Variants in SH3PXD2B observed in about 807,000 individuals in gnomAD.
SH3PXD2B encodes the protein SH3 and PX domains 2B, also known as SH3 and PX domain-containing protein 2B.
In SH3PXD2B, 37 loss-of-function variants were observed where a neutral mutation model predicts 73.1. That is an observed-to-expected ratio of 0.51 (90% CI 0.39 to 0.67). The LOEUF is 0.67. Among genes scored for constraint, SH3PXD2B ranks in the 30% least tolerant of loss-of-function variants. The pLI is 0.00. For missense variants in SH3PXD2B, 1,053 were observed against 1,197.8 expected, an observed-to-expected ratio of 0.88 and a Z score of 1.78; for synonymous variants, 457 against 480.5, an observed-to-expected ratio of 0.95 and a Z score of 0.64.
intron 1 of SH3PXD2B, among the ~76,000 whole-genome samples, chr5:172,436,517 G>A (rs1012064596): frequency 2.6e-5 from 4 of 152,212 alleles, no homozygotes; most frequent in Non-Finnish European, 5.9e-5. Context: ...TTAGGGACAT[G>A]AGGCCAGAGG....
chr5:172,447,010 G>C (rs1221680140), intron 1 of SH3PXD2B, among the ~76,000 whole-genome samples: 2 of 152,210 alleles, frequency 1.3e-5, no homozygotes, highest in African/African-American at 4.8e-5. Context: ...CCTGCCTCAG[G>C]AGGACAGGAG....
At chr5:172,343,799 C>T (rs911949183) in intron 12 of SH3PXD2B, among the ~76,000 whole-genome samples, 2 of 150,566 alleles carry the variant, frequency 1.3e-5, no homozygotes, top group African/African-American at 2.5e-5. Flanking sequence ...AGCAAGATTC[C>T]GTCTCAAAGA....
At chr5:172,413,970 C>T (rs1758759124) in intron 2 of SH3PXD2B, among the ~76,000 whole-genome samples, 1 of 152,214 alleles carries the variant, frequency 6.6e-6, no homozygotes, top group South Asian at 2.1e-4. Flanking sequence ...GGCTTCCCGG[C>T]CAGGCAATGC....
rs905365706 is a variant in SH3PXD2B, at chr5:172,337,035, C to T, written c.*1334G>A. 5.1e-6 allele frequency: 5 copies of T among 985,566 alleles called. No individual in the cohort carries two copies. The highest frequency in any genetic ancestry group is 3.6e-6 in the Non-Finnish European group (3 of 830,020). The allele number at this position is 985,566 out of a possible 1,614,324, so 61.1% of individuals were successfully genotyped here. A position where few individuals can be genotyped will look rare whatever the true frequency, so the allele number is the denominator to read the frequency against. On this transcript the variant is annotated 3_prime_UTR_variant, in exon 13 of 13. Coordinates refer to ENST00000311601, the MANE Select transcript of SH3PXD2B (RefSeq NM_001017995.3). ...GCTCAGAGCCCTCCAGGCTGGCCCTCGAGGCCACCTCAGCTCCCGTTGCTC... is the reference window on the plus strand; with the variant it reads ...GCTCAGAGCCCTCCAGGCTGGCCCTTGAGGCCACCTCAGCTCCCGTTGCTC...
In SH3PXD2B at chr5:172,336,400, G is replaced by A; in HGVS notation, c.*1969C>T. 1.0e-6 allele frequency: 1 copy of A among 985,938 alleles called. No homozygotes were observed. Among genetic ancestry groups the A allele is most frequent in the Non-Finnish European group, 1.2e-6 (1 of 830,018 alleles). The allele number at this position is 985,938 out of a possible 1,614,324, so 61.1% of individuals were successfully genotyped here. A position where few individuals can be genotyped will look rare whatever the true frequency, so the allele number is the denominator to read the frequency against. On this transcript the variant is annotated 3_prime_UTR_variant, in exon 13 of 13. Coordinates refer to ENST00000311601, the MANE Select transcript of SH3PXD2B (RefSeq NM_001017995.3). ...CTGCCCCCAACGCTCTGGGCACAGG[G>A]CCAAGTGGCAAGTGGGCCCTGCCCA...
intron 2 of SH3PXD2B, among the ~76,000 whole-genome samples, chr5:172,408,569 C>T (rs1758617937): frequency 9.7e-6 from 1 of 102,986 alleles, no homozygotes; most frequent in African/African-American, 4.3e-5. Flanking sequence ...ATGGAGTTTC[C>T]CTCTTGTTGC....
chr5:172,328,963 T>A (rs1234415613), downstream of SH3PXD2B, among the ~76,000 whole-genome samples: 1 of 151,506 alleles, frequency 6.6e-6, no homozygotes, highest in Non-Finnish European at 1.5e-5. Context: ...GACATTTATT[T>A]ATTAATCCAT....
chr5:172,346,375 A>C, intron 11 of SH3PXD2B, 114 bp from the exon 12 acceptor site: 11 of 1,522,070 alleles, frequency 7.2e-6, no homozygotes, highest in Non-Finnish European at 9.9e-6. Context: ...GGTGCTGGGG[A>C]CCTAGTTGGA....
chr5:172,325,389 A>C, intron 12 of SH3PXD2B: 1 of 1,522,762 alleles, frequency 6.6e-7, no homozygotes. Context: ...TCCTAGATGA[A>C]TGCAGGGAGA....
intron 1 of SH3PXD2B, among the ~76,000 whole-genome samples, chr5:172,450,974 T>A (rs1189162546): frequency 6.6e-6 from 1 of 152,214 alleles, no homozygotes; most frequent in East Asian, 1.9e-4. Context: ...TTCATTGTCA[T>A]CAGCCTCTCA....
chr5:172,327,437 C>T (rs578129752), intron 12 of SH3PXD2B, among the ~76,000 whole-genome samples: 4 of 152,094 alleles, frequency 2.6e-5, no homozygotes, highest in Admixed American at 1.3e-4. Context: ...TGAATCCCAG[C>T]GGGTATATAA....
In SH3PXD2B at chr5:172,339,943, T is replaced by G. The variant is rs1756815865; in HGVS notation, c.1189-27A>C. On this transcript the variant is annotated intron_variant, in intron 12 of 12. Transcript: ENST00000311601. The surrounding 1 kb of genome is among the most constrained non-coding windows in gnomAD (Gnocchi z 6.1). ...TGCAAGGGAGGATAGAGAAAGGCAC[T>G]TGGCTACGATGCCAGGGCCAGCAGA... The G allele has an allele frequency of 6.2e-7, 1 of 1,613,820 alleles. No individual in the cohort carries two copies. Among genetic ancestry groups the G allele is most frequent in the African/African-American group, 1.3e-5 (1 of 75,054 alleles).
chr5:172,361,945 G>A (rs533344098), intron 7 of SH3PXD2B, among the ~76,000 whole-genome samples: 43 of 152,176 alleles, frequency 2.8e-4, no homozygotes, highest in Non-Finnish European at 5.9e-4. Context: ...TCACATGTTA[G>A]CCACAACAAA....
chr5:172,380,940 T>C (rs566096496), intron 5 of SH3PXD2B, among the ~76,000 whole-genome samples: 1 of 152,352 alleles, frequency 6.6e-6, no homozygotes, highest in African/African-American at 2.4e-5. Flanking sequence ...TACTCGGAAG[T>C]CTGTGAACTC....
chr5:172,419,302 A>C (rs1195922355), intron 2 of SH3PXD2B, among the ~76,000 whole-genome samples: 4 of 151,714 alleles, frequency 2.6e-5, no homozygotes, highest in Non-Finnish European at 5.9e-5. Flanking sequence ...ACATTTGCAT[A>C]AGCACTTCCA....
At chr5:172,395,898 G>A (rs1379866887) in intron 3 of SH3PXD2B, among the ~76,000 whole-genome samples, 2 of 152,058 alleles carry the variant, frequency 1.3e-5, no homozygotes, top group Non-Finnish European at 2.9e-5. Context: ...CCTACTAAGA[G>A]CTCTCTCTAT....
At chr5:172,452,797 G>T (rs992603169) in intron 1 of SH3PXD2B, among the ~76,000 whole-genome samples, 25 of 152,058 alleles carry the variant, frequency 1.6e-4, no homozygotes, top group Non-Finnish European at 3.2e-4. Flanking sequence ...ACGCTAACAG[G>T]CTCAAACAAG....
At chr5:172,382,330 A>C (rs1757968682) in intron 4 of SH3PXD2B, among the ~76,000 whole-genome samples, 1 of 152,178 alleles carries the variant, frequency 6.6e-6, no homozygotes, top group African/African-American at 2.4e-5. Context: ...ACACACATAC[A>C]AACACAAAAG....
intron 1 of SH3PXD2B, among the ~76,000 whole-genome samples, chr5:172,439,682 GCA>G (rs879732011): frequency 0.22 from 24,161 of 107,848 alleles, 2,097 homozygotes; most frequent in Middle Eastern, 0.26. Flanking sequence ...GTGCGTGCGC[GCA>G]CGCGCGCGCA....
Sources: allele counts gnomAD v4.1 joint callset (sites outside exome capture counted in the v4.1 genomes callset), GRCh38; gene constraint gnomAD v4.1.1; non-coding constraint Gnocchi (gnomAD v3.1); transcripts MANE v1.5; gene names NCBI Gene and HGNC (gene_info 2026-07-23, HGNC 2026-07-21).